The following ATP6V1D variants were observed in gnomAD, a reference collection of about 807,000 sequenced individuals.
ATP6V1D encodes V-type proton ATPase subunit D.
A neutral mutation model predicts 39.4 loss-of-function variants in ATP6V1D; 20 were observed. The observed-to-expected ratio is 0.51, with a 90% CI of 0.36 to 0.74. The LOEUF (loss-of-function observed/expected upper bound fraction) is 0.74, where lower values mean the gene tolerates loss of function less well. Ranked by LOEUF, ATP6V1D falls within the 30% of genes least tolerant of loss-of-function variation. The pLI, the probability that ATP6V1D is intolerant of heterozygous loss-of-function variation, is 0.00. For synonymous variants in ATP6V1D, 100 were observed against 100.5 expected (o/e 0.99, Z 0.03); for missense variants, 228 against 291.6 (o/e 0.78, Z 1.59).
rs1566599638 is a variant in ATP6V1D, at chr14:67,347,515, TTC to T, written c.308-64_308-63del. ...TTTAAGTTCTCTCTTTTTTTTTTTT[TTC>T]TGAGACGGAGTTTTGCTCTTGTCGC... On this transcript the variant is annotated intron_variant, in intron 4 of 8. Transcript: ENST00000216442. The T allele has an allele frequency of 2.2e-4, 322 of 1,442,064 alleles. 2 individuals are homozygous for T. The highest frequency in any genetic ancestry group is 1.1e-3 in the East Asian group (44 of 41,900). The allele number at this position is 1,442,064 out of a possible 1,614,324, so 89.3% of individuals were successfully genotyped here. A position where few individuals can be genotyped will look rare whatever the true frequency, so the allele number is the denominator to read the frequency against.
Position 67,340,484 on chromosome 14 carries a change from A to C in ATP6V1D, c.558T>G (p.Tyr186Ter), listed in dbSNP as rs757563160. The C allele has an allele frequency of 6.2e-7, 1 of 1,613,858 alleles. No individual in the cohort carries two copies. Among genetic ancestry groups the C allele is most frequent in the Non-Finnish European group, 8.5e-7 (1 of 1,179,912 alleles). ...IIPRIERTLAYIITELDERER... is the reference protein window; with the variant it reads ...IIPRIERTLA The stretch of plus-strand genomic sequence containing the variant: ...CTCTCTCATCCAGCTCTGTGATGAT[A>C]TAAGCAAGAGTACGTTCAATCCGGG... The change falls in exon 8 of 9, where the codon TAT (tyrosine) becomes TAG (stop). Residue 186 changes from tyrosine (Y) to a stop codon, truncating the protein, a stop_gained. Transcript: ENST00000216442. LOFTEE classifies it high-confidence loss of function.
chr14:67,347,835 C>A (rs1199491672), intron 4 of ATP6V1D, among the ~76,000 whole-genome samples: 1 of 151,826 alleles, frequency 6.6e-6, no homozygotes, highest in African/African-American at 2.4e-5. Flanking sequence ...TTCTGTGTTT[C>A]TTTTTCATCA....
In ATP6V1D at chr14:67,338,642, G is replaced by C. The variant is rs774248792; in HGVS notation, c.723C>G (p.Asp241Glu). The change falls in exon 9 of 9, where the codon GAC (aspartate) becomes GAG (glutamate). Residue 241 changes from aspartate to glutamate, a missense_variant. Around this residue, in one of 3 missense-constraint regions of ATP6V1D, gnomAD observed 114 missense variants for 128.3 expected, o/e 0.89. Transcript: ENST00000216442. Reference sequence around the variant, plus strand: ...AAGATTATTCAAATAGAAGATCCTCGTCCTTCTCTTCAGCCAGAAGATTAG... The same window carrying C: ...AAGATTATTCAAATAGAAGATCCTCCTCCTTCTCTTCAGCCAGAAGATTAG... ...EPANLLAEEK[D>E]EDLLFE 1 of 1,613,840 alleles carries C rather than the reference G, an allele frequency of 6.2e-7. No individual in the cohort carries two copies. Among genetic ancestry groups the C allele is most frequent in the Non-Finnish European group, 8.5e-7 (1 of 1,179,942 alleles).
At position 67,359,693 on chromosome 14, in the gene ATP6V1D, C is replaced by G. The variant is rs1320858878; in HGVS notation, c.6G>C (p.Ser2=). 1 of 1,613,940 alleles carries G rather than the reference C, an allele frequency of 6.2e-7. No homozygotes were observed. The highest frequency in any genetic ancestry group is 1.1e-5 in the South Asian group (1 of 91,078). M[S]GKDRIEIFPS... ...GAAAGATTTCAATTCGGTCTTTGCC[C>G]GACATTCTGACGATAACTTTTCGGC... The change falls in exon 1 of 9, where the codon TCG becomes TCC. Residue 2 remains serine (S), a synonymous_variant. Coordinates refer to ENST00000216442, the MANE Select transcript of ATP6V1D (RefSeq NM_015994.4).
chr14:67,345,255 A>T (rs1397829943), intron 6 of ATP6V1D, among the ~76,000 whole-genome samples: 2 of 150,316 alleles, frequency 1.3e-5, no homozygotes, highest in Non-Finnish European at 3.0e-5. Flanking sequence ...AAATAAATAA[A>T]TTTTTAAATT....
rs1324699674 is a variant in ATP6V1D, at chr14:67,338,005, T to C, written c.*616A>G. ...TCCTACATGTCTGCAGAGAAAGCTC[T>C]GGCTGACACTACTGATCTGAGCATG... is the stretch of plus-strand genomic sequence containing the variant. On this transcript the variant is annotated 3_prime_UTR_variant, in exon 9 of 9. Transcript: ENST00000216442. 1 of 152,232 alleles carries C rather than the reference T, an allele frequency of 6.6e-6. No individual in the cohort carries two copies. Among genetic ancestry groups the C allele is most frequent in the Non-Finnish European group, 1.5e-5 (1 of 68,050 alleles). 9.4% of individuals were successfully genotyped at this position (152,232 alleles called of 1,614,324 possible).
In ATP6V1D at chr14:67,359,752, A is replaced by G. The variant is rs912634420; in HGVS notation, c.-54T>C. 1.0e-5 allele frequency: 16 copies of G among 1,606,718 alleles called. No homozygotes were observed. The Admixed American group carries it at 1.5e-4, about 15-fold the overall frequency. ...CCGGCCGGGCAACCGAGGCTGCAAT[A>G]GCTCCAGAACTGGCCTCCACAGTGT... On this transcript the variant is annotated 5_prime_UTR_variant, in exon 1 of 9. Coordinates refer to ENST00000216442, the MANE Select transcript of ATP6V1D (RefSeq NM_015994.4).
intron 7 of ATP6V1D, among the ~76,000 whole-genome samples, chr14:67,341,598 C>T (rs1467763872): frequency 4.9e-5 from 7 of 142,968 alleles, no homozygotes; most frequent in East Asian, 2.2e-4. Context: ...CCACCCTGTC[C>T]GGGAGGTGAG....
At position 67,338,872 on chromosome 14, in the gene ATP6V1D, C is replaced by A. The variant is rs2085558753; in HGVS notation, c.603-110G>T. 1.0e-5 allele frequency: 9 copies of A among 865,232 alleles called. No homozygotes were observed. The South Asian group carries it at 2.0e-4, about 19-fold the overall frequency. The allele number at this position is 865,232 out of a possible 1,614,324, so 53.6% of individuals were successfully genotyped here. A position where few individuals can be genotyped will look rare whatever the true frequency, so the allele number is the denominator to read the frequency against. Reference sequence around the variant, plus strand: ...TAATAAACACATACCTAGAAAAAAACCTGGTACTTTTATTAATTTCATTTT... The same window carrying A: ...TAATAAACACATACCTAGAAAAAAAACTGGTACTTTTATTAATTTCATTTT... On this transcript the variant is annotated intron_variant, in intron 8 of 8. Coordinates refer to ENST00000216442, the MANE Select transcript of ATP6V1D (RefSeq NM_015994.4).
At chr14:67,346,177 C>T (rs983988824) in intron 5 of ATP6V1D, among the ~76,000 whole-genome samples, 2 of 152,146 alleles carry the variant, frequency 1.3e-5, no homozygotes, top group South Asian at 2.1e-4. Flanking sequence ...GCCCAGAGTA[C>T]GATGACACTC....
chr14:67,339,900 G>A (rs1157609464), intron 8 of ATP6V1D, among the ~76,000 whole-genome samples: 2 of 152,084 alleles, frequency 1.3e-5, no homozygotes, highest in Admixed American at 6.5e-5. Flanking sequence ...GGAGTTTTGA[G>A]ACCAGCCTGG....
intron 3 of ATP6V1D, among the ~76,000 whole-genome samples, chr14:67,349,452 C>T (rs1445737780): frequency 2.6e-5 from 4 of 152,198 alleles, no homozygotes; most frequent in African/African-American, 9.7e-5. Flanking sequence ...TCTAGGTTTG[C>T]TATTGAATTG....
chr14:67,357,490 T>C lies in ATP6V1D; in HGVS notation c.41+2168A>G, dbSNP rs189513785. ...CAGCAAGCTGAGAGCTTTCAAATAG[T>C]AGTTTCACCTTCATGAGCCTATCAT... On this transcript the variant is annotated intron_variant, in intron 1 of 8. Coordinates refer to ENST00000216442, the MANE Select transcript of ATP6V1D (RefSeq NM_015994.4). 2.2e-3 allele frequency among the ~76,000 whole-genome samples: 339 copies of C among 152,362 alleles called. 1 individual carries two copies. Among genetic ancestry groups the C allele is most frequent in the Non-Finnish European group, 4.0e-3 (274 of 68,028 alleles).
At chr14:67,347,503 T>TTG (rs1555344015) in intron 4 of ATP6V1D, 50 bp from the exon 5 acceptor site, 7 of 887,440 alleles carry the variant, frequency 7.9e-6, no homozygotes, top group Non-Finnish European at 1.0e-5. Context: ...AAGTTCTCTC[T>TTG]TTTTTTTTTT....
intron 6 of ATP6V1D, among the ~76,000 whole-genome samples, chr14:67,344,912 A>C (rs2085609979): frequency 6.6e-6 from 1 of 150,874 alleles, no homozygotes; most frequent in African/African-American, 2.4e-5. Context: ...AACAAAAAAA[A>C]CAAGAGTGTA....
chr14:67,358,077 T>A (rs1026037840), intron 1 of ATP6V1D, among the ~76,000 whole-genome samples: 1 of 151,610 alleles, frequency 6.6e-6, no homozygotes, highest in African/African-American at 2.4e-5. Flanking sequence ...TTGAGCTTTT[T>A]CAGGCAGGCA....
chr14:67,349,350 T>C (rs2085642194), intron 3 of ATP6V1D, among the ~76,000 whole-genome samples: 1 of 152,188 alleles, frequency 6.6e-6, no homozygotes, highest in Non-Finnish European at 1.5e-5. Flanking sequence ...GATTTTAAAG[T>C]TCGTGGATTG....
rs1490840020 is a variant in ATP6V1D at position 67,337,937 on chromosome 14, T to C, written c.*684A>G. 6.6e-6 allele frequency: 1 copy of C among 152,210 alleles called. No homozygotes were observed. Among genetic ancestry groups the C allele is most frequent in the East Asian group, 1.9e-4 (1 of 5,200 alleles). 9.4% of individuals were successfully genotyped at this position (152,210 alleles called of 1,614,324 possible). ...CAGTTGTCTCAAAAGTAAGCCTTTTTGTAAAACTCTAATACATGGAGTGGG... is the reference window on the plus strand; with the variant it reads ...CAGTTGTCTCAAAAGTAAGCCTTTTCGTAAAACTCTAATACATGGAGTGGG... On this transcript the variant is annotated 3_prime_UTR_variant, in exon 9 of 9. Transcript: ENST00000216442.
At chr14:67,340,827 C>T (rs1317121626) in intron 7 of ATP6V1D, among the ~76,000 whole-genome samples, 3 of 152,340 alleles carry the variant, frequency 2.0e-5, no homozygotes, top group African/African-American at 7.2e-5. Flanking sequence ...GCGCGTGCCG[C>T]CACGCCTGAC....
Sources: allele counts gnomAD v4.1 joint callset (sites outside exome capture counted in the v4.1 genomes callset), GRCh38; gene constraint gnomAD v4.1.1; regional missense constraint gnomAD v4.1.1; transcripts MANE v1.5; gene names NCBI Gene and HGNC (gene_info 2026-07-23, HGNC 2026-07-21).